The following ATP8A1 variants were observed in gnomAD, a reference collection of about 807,000 sequenced individuals.
ATP8A1 encodes the protein phospholipid-transporting ATPase IA.
In ATP8A1, 90 loss-of-function variants were observed where a neutral mutation model predicts 177.7. That is an observed-to-expected ratio of 0.51 (90% CI 0.43 to 0.60). ATP8A1 has a LOEUF of 0.60. Among genes scored for constraint, ATP8A1 ranks in the 20% least tolerant of loss-of-function variants. The probability of loss-of-function intolerance (pLI) is 0.00; values close to 1 mark genes in which losing one functional copy is unlikely to be tolerated. For synonymous variants in ATP8A1, 493 were observed against 485.9 expected (o/e 1.01, Z -0.19); for missense variants, 1,072 against 1,392.8 (o/e 0.77, Z 3.67).
intron 19 of ATP8A1, among the ~76,000 whole-genome samples, chr4:42,546,020 T>C (rs1172558126): frequency 1.3e-5 from 2 of 152,172 alleles, no homozygotes; most frequent in Non-Finnish European, 2.9e-5. Context: ...CATTAAAACC[T>C]GCATATCTAT....
Position 42,522,196 on chromosome 4 carries a change from T to C in ATP8A1, c.1911A>G (p.Leu637=), listed in dbSNP as rs775854176. 5 of 1,612,544 alleles carry C rather than the reference T, an allele frequency of 3.1e-6. No individual in the cohort carries two copies. The highest frequency in any genetic ancestry group is 3.4e-5 in the Admixed American group (2 of 59,640). The stretch of plus-strand genomic sequence containing the variant: ...ACTCATAACTCTCTTCGAGTTTGAG[T>C]AGCCTGTTCTGCACAGATGTAGATG... The part of the protein sequence containing the change: ...QRASTSVQNR[L]LKLEESYELI... Residue 637 remains leucine (L), a synonymous_variant, in exon 22 of 37, where the codon CTA becomes CTG. Transcript: ENST00000381668.
At chr4:42,654,138 C>T (rs984046589) in intron 1 of ATP8A1, among the ~76,000 whole-genome samples, 1 of 152,200 alleles carries the variant, frequency 6.6e-6, no homozygotes, top group African/African-American at 2.4e-5. Flanking sequence ...TTGAGAAGCA[C>T]TGTGTGAGGG....
At chr4:42,582,935 G>A (rs1269760008) in intron 9 of ATP8A1, among the ~76,000 whole-genome samples, 1 of 152,080 alleles carries the variant, frequency 6.6e-6, no homozygotes, top group Non-Finnish European at 1.5e-5. Flanking sequence ...ATGGGTCATG[G>A]ATTACTACTA....
intron 22 of ATP8A1, among the ~76,000 whole-genome samples, chr4:42,521,084 C>T (rs185315494): frequency 6.6e-6 from 1 of 152,304 alleles, no homozygotes; most frequent in South Asian, 2.1e-4. Context: ...ACGAAGTACA[C>T]AGTTCGATAG....
intron 5 of ATP8A1, among the ~76,000 whole-genome samples, chr4:42,605,730 G>T (rs950809329): frequency 6.6e-6 from 1 of 152,026 alleles, no homozygotes; most frequent in Non-Finnish European, 1.5e-5. Flanking sequence ...GACCTTTTGC[G>T]AATCTTTGTC....
chr4:42,482,828 T>C (rs116287791), intron 25 of ATP8A1, among the ~76,000 whole-genome samples: 160 of 152,346 alleles, frequency 1.1e-3, no homozygotes, highest in African/African-American at 3.8e-3. Flanking sequence ...GAAGATCAGA[T>C]TCTGAATTAT....
intron 4 of ATP8A1, among the ~76,000 whole-genome samples, chr4:42,617,449 A>G (rs1007418808): frequency 2.6e-4 from 39 of 152,246 alleles, no homozygotes; most frequent in African/African-American, 9.4e-4. Context: ...GTTTGCCAAA[A>G]AAGATTCTTA....
chr4:42,606,750 C>T (rs1417689216), intron 5 of ATP8A1, among the ~76,000 whole-genome samples: 1 of 152,296 alleles, frequency 6.6e-6, no homozygotes, highest in African/African-American at 2.4e-5. Context: ...TTTTTTTCTA[C>T]TACCACAGCA....
rs1730014064 is a variant in ATP8A1, at chr4:42,555,139, A to AATCAATCT, written c.1413+828_1413+829insAGATTGAT. Among the ~76,000 whole-genome samples, 9 of 59,558 alleles carry AATCAATCT rather than the reference A, an allele frequency of 1.5e-4. 1 individual carries two copies. In the East Asian group the frequency reaches 3.4e-3, roughly 23 times the overall value. 39.1% of individuals were successfully genotyped at this position (59,558 alleles called of 152,430 possible). A position where few individuals can be genotyped will look rare whatever the true frequency, so the allele number is the denominator to read the frequency against. ...TATCTATCTATCTATCTATCTATCT[A>AATCAATCT]ATCTATCTATCTATCTATCTATCTA... On this transcript the variant is annotated intron_variant, in intron 16 of 36. Transcript: ENST00000381668.
intron 1 of ATP8A1, among the ~76,000 whole-genome samples, chr4:42,641,978 A>G (rs1169164636): frequency 1.3e-5 from 2 of 151,316 alleles, no homozygotes; most frequent in East Asian, 3.8e-4. Flanking sequence ...AGAGGAAAAC[A>G]ACTCACCTTT....
intron 5 of ATP8A1, among the ~76,000 whole-genome samples, chr4:42,611,258 A>AT (rs11376728): frequency 0.96 from 146,208 of 152,266 alleles, 70,440 homozygotes; most frequent in East Asian, 1. Context: ...GAAGGAAGAT[A>AT]AGGTGAATAT....
rs1330237649 is a variant in ATP8A1, at chr4:42,507,793, A to AAC, written c.1948-640_1948-639insGT. Among the ~76,000 whole-genome samples, 7 of 118,178 alleles carry AAC rather than the reference A, an allele frequency of 5.9e-5. 2 individuals are homozygous for AAC. In the South Asian group the frequency reaches 2.0e-3, roughly 33 times the overall value. The allele number at this position is 118,178 out of a possible 152,430, so 77.5% of individuals were successfully genotyped here. On this transcript the variant is annotated intron_variant, in intron 22 of 36. Coordinates refer to ENST00000381668, the MANE Select transcript of ATP8A1 (RefSeq NM_006095.2). The stretch of plus-strand genomic sequence containing the variant: ...GGACAGGCATTCTAAAAAAAAAAAA[A>AAC]AAAAAAAAAAAAAAAACATACAAAC...
At chr4:42,452,630 A>C (rs1718051654) in intron 29 of ATP8A1, among the ~76,000 whole-genome samples, 1 of 152,238 alleles carries the variant, frequency 6.6e-6, no homozygotes, top group Non-Finnish European at 1.5e-5. Context: ...TTCACAATTT[A>C]ACAGTGTTAA....
At chr4:42,626,617 A>T (rs888167799) in intron 2 of ATP8A1, 2 of 243,608 alleles carry the variant, frequency 8.2e-6, no homozygotes, top group African/African-American at 4.6e-5. Context: ...AAGACTATAT[A>T]ACCAGAAGGA....
chr4:42,591,353 T>TA (rs200270094), intron 6 of ATP8A1, among the ~76,000 whole-genome samples: 250 of 151,232 alleles, frequency 1.7e-3, no homozygotes, highest in African/African-American at 5.5e-3. Flanking sequence ...CTGCCCCACT[T>TA]AAAAAAAAAC....
intron 1 of ATP8A1, among the ~76,000 whole-genome samples, chr4:42,638,312 A>G (rs953349323): frequency 1.3e-5 from 2 of 152,252 alleles, no homozygotes; most frequent in African/African-American, 2.4e-5. Flanking sequence ...TATTGTCTAA[A>G]AAAGGAAAAA....
chr4:42,626,677 T>C, intron 2 of ATP8A1: 1 of 289,290 alleles, frequency 3.5e-6, no homozygotes, highest in Non-Finnish European at 6.6e-6. Context: ...TAAAACTTGC[T>C]AACCAAAACC....
intron 1 of ATP8A1, among the ~76,000 whole-genome samples, chr4:42,643,731 C>G (rs575718785): frequency 1.3e-5 from 2 of 152,278 alleles, no homozygotes; most frequent in Admixed American, 1.3e-4. Context: ...CAGGCTTGGT[C>G]TCCTCACTAT....
At chr4:42,593,645 A>G (rs1734418522) in intron 6 of ATP8A1, among the ~76,000 whole-genome samples, 1 of 152,080 alleles carries the variant, frequency 6.6e-6, no homozygotes. Flanking sequence ...ATTTTTCTTA[A>G]TTTAAAATAG....
Sources: gnomAD v4.1 joint callset for allele counts (sites outside exome capture counted in the v4.1 genomes callset) on GRCh38, gnomAD v4.1.1 for gene constraint, MANE v1.5 for transcripts, NCBI Gene and HGNC (gene_info 2026-07-23, HGNC 2026-07-21) for gene names.